The following DIP2A variants were observed in gnomAD, a reference collection of about 807,000 sequenced individuals.
DIP2A encodes the protein disco-interacting protein 2 homolog A.
A neutral mutation model predicts 177.4 loss-of-function variants in DIP2A; 85 were observed. That is an observed-to-expected ratio of 0.48 (90% CI 0.40 to 0.57). The LOEUF is 0.57. Among genes scored for constraint, DIP2A ranks in the 20% least tolerant of loss-of-function variants. The pLI, the probability that DIP2A is intolerant of heterozygous loss-of-function variation, is 0.00. For missense variants in DIP2A, 1,791 were observed against 2,100.2 expected, an observed-to-expected ratio of 0.85 and a Z score of 2.88; for synonymous variants, 886 against 881.8, an observed-to-expected ratio of 1.00 and a Z score of -0.08.
Position 46,459,211 on chromosome 21 carries a change from AGCT to A in DIP2A, c.82_84del (p.Leu28del). 2 of 1,524,510 alleles carry A rather than the reference AGCT, an allele frequency of 1.3e-6. No individual in the cohort carries two copies. Among genetic ancestry groups the A allele is most frequent in the Non-Finnish European group, 1.8e-6 (2 of 1,136,664 alleles). The allele number at this position is 1,524,510 out of a possible 1,614,324, so 94.4% of individuals were successfully genotyped here. A position where few individuals can be genotyped will look rare whatever the true frequency, so the allele number is the denominator to read the frequency against. ...GAGAGCCTGGCTGAGCTGGAGCTGG[AGCT>A]GTCGGAAGGTGAGCCGGACCCCGCC... On this transcript the variant is annotated inframe_deletion, in exon 1 of 38. Transcript: ENST00000417564.
At chr21:46,564,335 TCAGGGCCTCCACCTGCA>T (rs1382192827) in intron 35 of DIP2A, among the ~76,000 whole-genome samples, 1 of 152,150 alleles carries the variant, frequency 6.6e-6, no homozygotes, top group Non-Finnish European at 1.5e-5. Context: ...CCAGAAGAGT[TCAGGGCCTCCACCTGCA>T]GCTGGGAGGT....
chr21:46,519,935 T>C (rs9975875), intron 8 of DIP2A, among the ~76,000 whole-genome samples: 51,067 of 137,932 alleles, frequency 0.37, 9,418 homozygotes, highest in Middle Eastern at 0.48. Context: ...AGTGCAGTGG[T>C]GCGATCTCGG....
intron 32 of DIP2A, 113 bp downstream of exon 32, chr21:46,558,506 T>A (rs1442750452): frequency 5.6e-6 from 6 of 1,075,392 alleles, no homozygotes; most frequent in Non-Finnish European, 8.1e-6. Flanking sequence ...TCTCCTTCTC[T>A]GGGCCTTTGA....
At position 46,541,894 on chromosome 21, in the gene DIP2A, A is replaced by T; in HGVS notation, c.2175A>T (p.Gly725=). The change falls in exon 18 of 38, where the codon GGA becomes GGT. Residue 725 remains glycine (G), a splice_region_variant and synonymous_variant. Coordinates refer to ENST00000417564, the MANE Select transcript of DIP2A (RefSeq NM_015151.4). ...AGGACGTTGGTCAGGTGATGCCTGGAGGTAAGAGACATAACCAGAGTGGGT... is the reference window on the plus strand; with the variant it reads ...AGGACGTTGGTCAGGTGATGCCTGGTGGTAAGAGACATAACCAGAGTGGGT... ...TVQDVGQVMP[G]ANVCVVKLEG... 1.2e-6 allele frequency: 2 copies of T among 1,614,022 alleles called. No individual in the cohort carries two copies. The highest frequency in any genetic ancestry group is 1.7e-6 in the Non-Finnish European group (2 of 1,179,884).
intron 13 of DIP2A, among the ~76,000 whole-genome samples, chr21:46,536,011 C>T (rs917430063): frequency 2.0e-5 from 3 of 152,234 alleles, no homozygotes; most frequent in Admixed American, 1.3e-4. Flanking sequence ...CAGGTCAAAA[C>T]TCCCATGCCA....
chr21:46,495,229 C>CT (rs1313144772), intron 3 of DIP2A, among the ~76,000 whole-genome samples: 1 of 66,704 alleles, frequency 1.5e-5, no homozygotes, highest in African/African-American at 1.0e-4. Flanking sequence ...CTTCTCTTCT[C>CT]TTCTCTTCTC....
the DIP2A span, among the ~76,000 whole-genome samples, chr21:46,582,363 C>A: frequency 6.6e-6 from 1 of 152,142 alleles, no homozygotes; most frequent in Non-Finnish European, 1.5e-5. Context: ...ACTCAGTTGT[C>A]TTAGGCAGTC....
At chr21:46,499,518 G>A (rs868109038) in intron 5 of DIP2A, among the ~76,000 whole-genome samples, 1 of 152,144 alleles carries the variant, frequency 6.6e-6, no homozygotes, top group Non-Finnish European at 1.5e-5. Flanking sequence ...GAGGGCTTTC[G>A]CTCCTCCAGA....
At chr21:46,513,001 AT>A (rs986849508) in intron 8 of DIP2A, among the ~76,000 whole-genome samples, 1 of 151,978 alleles carries the variant, frequency 6.6e-6, no homozygotes, top group Non-Finnish European at 1.5e-5. Flanking sequence ...CTTTCCTGAG[AT>A]GCATGTTTTG....
chr21:46,511,301 TA>T, intron 7 of DIP2A, 115 bp from the exon 8 acceptor site: 1 of 1,136,024 alleles, frequency 8.8e-7, no homozygotes, highest in Non-Finnish European at 1.2e-6. Flanking sequence ...CAAATTATTG[TA>T]AGCTTTTTTA....
At chr21:46,482,071 A>G (rs914411195) in intron 1 of DIP2A, among the ~76,000 whole-genome samples, 1 of 152,174 alleles carries the variant, frequency 6.6e-6, no homozygotes, top group Non-Finnish European at 1.5e-5. Flanking sequence ...ACAAAAACAA[A>G]AAACAGTAGA....
At chr21:46,476,508 A>C (rs941771667) in intron 1 of DIP2A, among the ~76,000 whole-genome samples, 2 of 152,194 alleles carry the variant, frequency 1.3e-5, no homozygotes, top group African/African-American at 4.8e-5. Context: ...GGAAGAGCTC[A>C]GGAAAAGGAG....
chr21:46,530,486 G>C (rs1269373534), intron 9 of DIP2A, among the ~76,000 whole-genome samples: 1 of 152,104 alleles, frequency 6.6e-6, no homozygotes, highest in Non-Finnish European at 1.5e-5. Flanking sequence ...AGAAAACAAT[G>C]TTTCTAAAAA....
intron 1 of DIP2A, among the ~76,000 whole-genome samples, chr21:46,483,219 TAC>T (rs1368900092): frequency 2.0e-5 from 3 of 151,638 alleles, no homozygotes; most frequent in Admixed American, 6.6e-5. Context: ...CAATTAAAAG[TAC>T]ACAGACACAA....
At chr21:46,480,534 T>G (rs1416342456) in intron 1 of DIP2A, among the ~76,000 whole-genome samples, 1 of 152,176 alleles carries the variant, frequency 6.6e-6, no homozygotes, top group Admixed American at 6.5e-5. Context: ...CAGTAGGACC[T>G]GTCTAGTCGT....
intron 23 of DIP2A, 63 bp downstream of exon 23, chr21:46,550,807 T>G: frequency 6.5e-7 from 1 of 1,549,838 alleles, no homozygotes; most frequent in Non-Finnish European, 8.8e-7. Context: ...GTGCTTGTGG[T>G]TAGGGTGCGG....
At chr21:46,460,985 T>C (rs1314625395) in intron 1 of DIP2A, among the ~76,000 whole-genome samples, 2 of 151,386 alleles carry the variant, frequency 1.3e-5, no homozygotes, top group African/African-American at 2.4e-5. Context: ...TGAGCCACCG[T>C]GCCTGGCTTG....
In DIP2A at chr21:46,569,752, G is replaced by C. The variant is rs1258145402; in HGVS notation, c.*2130G>C. 6.6e-6 allele frequency: 1 copy of C among 151,048 alleles called. No individual in the cohort carries two copies. The highest frequency in any genetic ancestry group is 2.5e-5 in the African/African-American group (1 of 40,644). 9.4% of individuals were successfully genotyped at this position (151,048 alleles called of 1,614,324 possible). A position where few individuals can be genotyped will look rare whatever the true frequency, so the allele number is the denominator to read the frequency against. On this transcript the variant is annotated 3_prime_UTR_variant, in exon 38 of 38. Transcript: ENST00000417564. ...GTGAAAAGGGTCTTTAAATTACCCC[G>C]AATAGGTTGTATCTTATTTTGCTTT...
chr21:46,558,493 A>G (rs773280244), intron 32 of DIP2A, 100 bp downstream of exon 32: 4 of 1,225,372 alleles, frequency 3.3e-6, no homozygotes, highest in Middle Eastern at 1.9e-4. Context: ...CGCCTGATCT[A>G]TTTCTCCTTC....
Sources: gnomAD v4.1 joint callset for allele counts (sites outside exome capture counted in the v4.1 genomes callset) on GRCh38, gnomAD v4.1.1 for gene constraint, MANE v1.5 for transcripts, NCBI Gene and HGNC (gene_info 2026-07-23, HGNC 2026-07-21) for gene names.